FAM135A: variants seen among roughly 807,000 people sequenced by gnomAD.
The protein encoded by FAM135A is protein FAM135A.
In FAM135A, 79 loss-of-function variants were observed where a neutral mutation model predicts 146.8. The observed-to-expected ratio is 0.54, with a 90% confidence interval of 0.45 to 0.65. FAM135A has a LOEUF of 0.65. Ranked by LOEUF, FAM135A falls within the 30% of genes least tolerant of loss-of-function variation. The probability of loss-of-function intolerance (pLI) is 0.00; values close to 1 mark genes in which losing one functional copy is unlikely to be tolerated. For synonymous variants in FAM135A, 562 were observed against 603.6 expected (o/e 0.93, Z 1.01); for missense variants, 1,623 against 1,758.2 (o/e 0.92, Z 1.38).
chr6:70,495,256 A>G (rs1290894633), intron 11 of FAM135A, among the ~76,000 whole-genome samples: 1 of 152,198 alleles, frequency 6.6e-6, no homozygotes, highest in Non-Finnish European at 1.5e-5. Flanking sequence ...AACACTTTCC[A>G]TAAATTCTGT....
Position 70,510,197 on chromosome 6 carries a change from A to G in FAM135A, c.1029+7406A>G, listed in dbSNP as rs556983794. On this transcript the variant is annotated intron_variant, in intron 12 of 21. Coordinates refer to ENST00000418814, the MANE Select transcript of FAM135A (RefSeq NM_001162529.3). The stretch of plus-strand genomic sequence containing the variant: ...CCACCGAAGTAGAAGATTCAAAGGC[A>G]TAGATGTTATGTAACATGATATATA... Among the ~76,000 whole-genome samples, 37 of 149,972 alleles carry G rather than the reference A, an allele frequency of 2.5e-4. No individual in the cohort carries two copies. The South Asian group carries it at 7.7e-3, about 31-fold the overall frequency.
chr6:70,488,288 T>A (rs1466082333), intron 10 of FAM135A, among the ~76,000 whole-genome samples: 1 of 152,084 alleles, frequency 6.6e-6, no homozygotes, highest in Non-Finnish European at 1.5e-5. Context: ...TAGTGCTAGG[T>A]ACCAGAATAC....
At chr6:70,508,511 A>C (rs1347228484) in intron 12 of FAM135A, among the ~76,000 whole-genome samples, 1 of 152,150 alleles carries the variant, frequency 6.6e-6, no homozygotes, top group African/African-American at 2.4e-5. Context: ...TTGTGTCTGG[A>C]ATTATAAGTC....
intron 20 of FAM135A, among the ~76,000 whole-genome samples, chr6:70,542,925 T>G (rs1798202100): frequency 6.6e-6 from 1 of 152,176 alleles, no homozygotes; most frequent in Non-Finnish European, 1.5e-5. Flanking sequence ...TATCTCTGAA[T>G]TTCCATAGCA....
At chr6:70,438,729 T>C (rs574554343) in intron 4 of FAM135A, among the ~76,000 whole-genome samples, 167 of 152,328 alleles carry the variant, frequency 1.1e-3, no homozygotes, top group African/African-American at 3.8e-3. Context: ...AAATCTCTTA[T>C]GCAGAGGTTG....
chr6:70,551,191 A>G (rs1212382692), intron 20 of FAM135A, among the ~76,000 whole-genome samples: 3 of 152,174 alleles, frequency 2.0e-5, no homozygotes, highest in African/African-American at 7.2e-5. Context: ...AATTTCCTTC[A>G]AGAACTTTTC....
In FAM135A at chr6:70,536,271, A is replaced by G. The variant is rs1796778227; in HGVS notation, c.3977A>G (p.His1326Arg). 2.5e-6 allele frequency: 4 copies of G among 1,605,088 alleles called. No individual in the cohort carries two copies. The highest frequency in any genetic ancestry group is 1.3e-5 in the African/African-American group (1 of 74,374). Residue 1326 changes from histidine (H) to arginine (R), a missense_variant, in exon 19 of 22, where the codon CAT becomes CGT. By Grantham distance (29) the His-to-Arg change is conservative. This residue lies in a region of FAM135A where 1,061 missense variants were observed against 1,113.8 expected (regional missense o/e 0.95). Coordinates refer to ENST00000418814, the MANE Select transcript of FAM135A (RefSeq NM_001162529.3). ...LTVSKISFIGHSLGNLIIRSV... is the reference protein window; with the variant it reads ...LTVSKISFIGRSLGNLIIRSV... ...TTTTCCTCTTAAAGCTTTATTGGAC[A>G]TTCGTTGGGCAATTTAATAATTCGT...
chr6:70,443,267 A>C (rs1774965122), intron 4 of FAM135A, among the ~76,000 whole-genome samples: 2 of 152,330 alleles, frequency 1.3e-5, no homozygotes, highest in African/African-American at 4.8e-5. Flanking sequence ...CAGTAGTCCA[A>C]TAAGATTATA....
At chr6:70,420,813 C>CT (rs1301129095) in intron 2 of FAM135A, among the ~76,000 whole-genome samples, 1 of 151,698 alleles carries the variant, frequency 6.6e-6, no homozygotes, top group African/African-American at 2.4e-5. Context: ...TATTTATGTT[C>CT]TTTTTTGTAC....
intron 1 of FAM135A, 150 bp downstream of exon 1, chr6:70,413,852 C>G (rs1228250434): frequency 7.1e-6 from 7 of 985,332 alleles, no homozygotes; most frequent in Non-Finnish European, 8.4e-6. Context: ...TGCTGGCGGT[C>G]GGAGCCTGGC....
chr6:70,447,780 G>T (rs1335497206), intron 4 of FAM135A, among the ~76,000 whole-genome samples: 1 of 152,100 alleles, frequency 6.6e-6, no homozygotes, highest in Non-Finnish European at 1.5e-5. Flanking sequence ...CCCCTATCTG[G>T]CAGCCTGACT....
At chr6:70,546,834 G>A (rs1013630534) in intron 20 of FAM135A, among the ~76,000 whole-genome samples, 2 of 152,140 alleles carry the variant, frequency 1.3e-5, no homozygotes, top group African/African-American at 4.8e-5. Flanking sequence ...ATAATTTGCA[G>A]GTGGCATACA....
Position 70,505,544 on chromosome 6 carries a change from T to TC in FAM135A, c.1029+2754dup, listed in dbSNP as rs201319825. Among the ~76,000 whole-genome samples the TC allele has an allele frequency of 1.2e-3, 186 of 152,264 alleles. 2 individuals are homozygous for TC. The highest frequency in any genetic ancestry group is 8.7e-3 in the East Asian group (45 of 5,178). Reference sequence around the variant, plus strand: ...ATTGGGGGGATACTACATTTTTTTTTCAATCAGTTTTGGTAAATTATATTT... The same window carrying TC: ...ATTGGGGGGATACTACATTTTTTTTTCCAATCAGTTTTGGTAAATTATATTT... On this transcript the variant is annotated intron_variant, in intron 12 of 21. Transcript: ENST00000418814.
At chr6:70,488,507 A>G (rs1030145383) in intron 10 of FAM135A, among the ~76,000 whole-genome samples, 2 of 145,350 alleles carry the variant, frequency 1.4e-5, no homozygotes, top group African/African-American at 5.0e-5. Flanking sequence ...ACATTTATAC[A>G]TTTCTATAAA....
chr6:70,414,638 A>C (rs73474939), intron 1 of FAM135A, among the ~76,000 whole-genome samples: 3 of 151,900 alleles, frequency 2.0e-5, no homozygotes, highest in Admixed American at 1.3e-4. Flanking sequence ...TGCCTAAGCT[A>C]GGTATCCACT....
intron 4 of FAM135A, among the ~76,000 whole-genome samples, chr6:70,445,767 C>G (rs1019099408): frequency 6.6e-6 from 1 of 152,200 alleles, no homozygotes; most frequent in African/African-American, 2.4e-5. Context: ...ATGGGCGTTA[C>G]AGCCATCATG....
chr6:70,540,116 T>A lies in FAM135A; in HGVS notation c.4228+1715T>A, dbSNP rs1052455902. On this transcript the variant is annotated intron_variant, in intron 20 of 21. Coordinates refer to ENST00000418814, the MANE Select transcript of FAM135A (RefSeq NM_001162529.3). ...TTTTGGTAATTTGATGAGTCAACCC[T>A]TTAGATAATTCATTATGCATCACCA... Among the ~76,000 whole-genome samples the A allele has an allele frequency of 2.0e-5, 3 of 152,320 alleles. No homozygotes were observed. The East Asian group carries it at 5.8e-4, about 29-fold the overall frequency.
At chr6:70,534,311 A>ATTTTT (rs1406546058) in intron 18 of FAM135A, among the ~76,000 whole-genome samples, 7 of 106,810 alleles carry the variant, frequency 6.6e-5, no homozygotes, top group Non-Finnish European at 9.6e-5. Flanking sequence ...AAGTTTGTAT[A>ATTTTT]CTTTTTTTTT....
chr6:70,538,327 C>A lies in FAM135A; in HGVS notation c.4154C>A (p.Ser1385Ter). Residue 1385 changes from serine (S) to a stop codon, truncating the protein, a stop_gained, in exon 20 of 22, where the codon TCG (serine) becomes TAG (stop). Transcript: ENST00000418814. LOFTEE classifies it high-confidence loss of function. ...ATGCAGAAATGGAAAAAATCAGGTT[C>A]GCTTTTGCAGCTGACATGTCGAGAT... is the stretch of plus-strand genomic sequence containing the variant. ...WFMQKWKKSG[S>*]LLQLTCRDHS... The A allele has an allele frequency of 6.6e-7, 1 of 1,523,424 alleles. No individual in the cohort carries two copies. Among genetic ancestry groups the A allele is most frequent in the Non-Finnish European group, 8.9e-7 (1 of 1,128,944 alleles). The allele number at this position is 1,523,424 out of a possible 1,614,324, so 94.4% of individuals were successfully genotyped here.
Sources: gnomAD v4.1 joint callset for allele counts (sites outside exome capture counted in the v4.1 genomes callset) on GRCh38, gnomAD v4.1.1 for gene constraint, gnomAD v4.1.1 regional missense constraint, MANE v1.5 for transcripts, NCBI Gene and HGNC (gene_info 2026-07-23, HGNC 2026-07-21) for gene names.